RAB38: variants seen among roughly 807,000 people sequenced by gnomAD.
RAB38 encodes the protein ras-related protein Rab-38.
Under a neutral mutation model 18.4 loss-of-function variants are expected in RAB38, and 15 were observed. The observed-to-expected ratio is 0.82, with a 90% confidence interval of 0.55 to 1.26. The LOEUF is 1.26. RAB38 is among the 50% of genes most tolerant of loss of function. RAB38 has a pLI of 0.00. For missense variants in RAB38, 294 were observed against 267.4 expected (o/e 1.10, Z -0.69); for synonymous variants, 101 against 104.4 (o/e 0.97, Z 0.20).
At chr11:88,004,657 G>T in the RAB38 span, among the ~76,000 whole-genome samples, 2 of 151,168 alleles carry the variant, frequency 1.3e-5, no homozygotes, top group East Asian at 1.9e-4. Flanking sequence ...AGAAAAATAT[G>T]TAAAAAGTAC....
chr11:87,898,884 G>A, the RAB38 span, among the ~76,000 whole-genome samples: 4 of 151,600 alleles, frequency 2.6e-5, no homozygotes, highest in Non-Finnish European at 4.4e-5. Flanking sequence ...CCCCCATGTA[G>A]GAAGGACCAA....
chr11:87,949,472 A>T, the RAB38 span, among the ~76,000 whole-genome samples: 1 of 151,844 alleles, frequency 6.6e-6, no homozygotes, highest in Non-Finnish European at 1.5e-5. Context: ...GTTCTTTTAA[A>T]TGTGATGTTA....
the RAB38 span, among the ~76,000 whole-genome samples, chr11:88,017,891 T>C: frequency 6.6e-6 from 1 of 151,860 alleles, no homozygotes; most frequent in Non-Finnish European, 1.5e-5. Context: ...AGGAGGTAAT[T>C]GAAACATGGG....
In RAB38 at chr11:88,149,776, T is replaced by G. The variant is rs1239052566; in HGVS notation, c.382A>C (p.Lys128Gln). Residue 128 changes from lysine (K) to glutamine (Q), a missense_variant, in exon 2 of 3, where the codon AAA becomes CAA. Lys to Gln is a moderately conservative substitution (Grantham distance 53). Coordinates refer to ENST00000243662, the MANE Select transcript of RAB38 (RefSeq NM_022337.3). ...KPVSVVLLAN[K>Q]CDQGKDVLMN... is the part of the protein sequence containing the mutation. ...AGCACATCCTTCCCCTGGTCACATTTGTTGGCCAACAAAACCACTGAAACC... is the reference window on the plus strand; with the variant it reads ...AGCACATCCTTCCCCTGGTCACATTGGTTGGCCAACAAAACCACTGAAACC... 6.2e-7 allele frequency: 1 copy of G among 1,614,208 alleles called. No individual in the cohort carries two copies. Among genetic ancestry groups the G allele is most frequent in the Non-Finnish European group, 8.5e-7 (1 of 1,180,026 alleles).
the RAB38 span, among the ~76,000 whole-genome samples, chr11:88,043,631 C>A: frequency 6.8e-6 from 1 of 146,072 alleles, no homozygotes; most frequent in East Asian, 2.0e-4. Flanking sequence ...CGAGAACAAC[C>A]CCCTTTGACT....
chr11:87,873,922 G>GTGTGTATATATA, the RAB38 span, among the ~76,000 whole-genome samples: 179 of 103,082 alleles, frequency 1.7e-3, 1 homozygote, highest in Middle Eastern at 5.6e-3. Context: ...GTGTGTGTGT[G>GTGTGTATATATA]TATATATATA....
the RAB38 span, among the ~76,000 whole-genome samples, chr11:87,856,297 C>G: frequency 2.0e-5 from 3 of 152,100 alleles, no homozygotes; most frequent in Non-Finnish European, 2.9e-5. Flanking sequence ...ATACTCTCTT[C>G]ATACACTCTT....
At chr11:87,977,416 T>A in the RAB38 span, among the ~76,000 whole-genome samples, 3 of 103,442 alleles carry the variant, frequency 2.9e-5, no homozygotes, top group Admixed American at 3.8e-4. Context: ...TTATAAAATA[T>A]AATTATATTA....
At chr11:87,903,123 G>A in the RAB38 span, among the ~76,000 whole-genome samples, 3 of 151,114 alleles carry the variant, frequency 2.0e-5, no homozygotes, top group Non-Finnish European at 4.4e-5. Flanking sequence ...TAATGAACGT[G>A]GTGAGAATAG....
intron 2 of RAB38, among the ~76,000 whole-genome samples, chr11:88,140,151 G>T (rs16913196): frequency 0.019 from 2,822 of 152,276 alleles, 87 homozygotes; most frequent in African/African-American, 0.065. Flanking sequence ...AGGGCCCAAG[G>T]CAAGGCATTA....
chr11:88,076,956 CAAAA>C, the RAB38 span, among the ~76,000 whole-genome samples: 303 of 42,858 alleles, frequency 7.1e-3, 3 homozygotes, highest in African/African-American at 0.024. Context: ...GAGACTCCAT[CAAAA>C]AAAAAAAAAA....
the RAB38 span, chr11:87,817,580 T>G: frequency 6.6e-6 from 1 of 152,314 alleles, no homozygotes; most frequent in Admixed American, 6.5e-5. Context: ...CATTTTCTAT[T>G]TATGAACCTT....
At chr11:87,946,373 T>G in the RAB38 span, among the ~76,000 whole-genome samples, 133 of 152,254 alleles carry the variant, frequency 8.7e-4, no homozygotes, top group Non-Finnish European at 1.4e-3. Flanking sequence ...TTAGAGGCTC[T>G]ATGAGAGCCT....
At chr11:87,831,296 G>A in the RAB38 span, among the ~76,000 whole-genome samples, 2 of 152,102 alleles carry the variant, frequency 1.3e-5, no homozygotes, top group Non-Finnish European at 2.9e-5. Flanking sequence ...CCCATCAAAA[G>A]CCATACAAAA....
At chr11:88,031,903 A>G in the RAB38 span, among the ~76,000 whole-genome samples, 1 of 152,040 alleles carries the variant, frequency 6.6e-6, no homozygotes, top group Non-Finnish European at 1.5e-5. Flanking sequence ...TGGAAGCAAA[A>G]AAGAGCCCGC....
chr11:87,814,282 T>A, the RAB38 span, among the ~76,000 whole-genome samples: 1 of 152,206 alleles, frequency 6.6e-6, no homozygotes, highest in African/African-American at 2.4e-5. Flanking sequence ...AATGATTTTA[T>A]GTACTATGTA....
the RAB38 span, among the ~76,000 whole-genome samples, chr11:87,907,635 T>G: frequency 6.6e-6 from 1 of 151,782 alleles, no homozygotes; most frequent in Non-Finnish European, 1.5e-5. Flanking sequence ...TTTTTGACAT[T>G]TCTTTCAAAA....
the RAB38 span, among the ~76,000 whole-genome samples, chr11:87,922,995 G>A: frequency 6.6e-6 from 1 of 151,498 alleles, no homozygotes; most frequent in African/African-American, 2.4e-5. Context: ...AAAAGAATAG[G>A]GGAACAAGGA....
At chr11:88,170,601 G>T (rs1943300173) in intron 1 of RAB38, among the ~76,000 whole-genome samples, 1 of 152,188 alleles carries the variant, frequency 6.6e-6, no homozygotes, top group African/African-American at 2.4e-5. Flanking sequence ...CTGGGCCTGG[G>T]CTGCCTTCAT....
Sources: allele counts gnomAD v4.1 joint callset (sites outside exome capture counted in the v4.1 genomes callset), GRCh38; gene constraint gnomAD v4.1.1; transcripts MANE v1.5; gene names NCBI Gene and HGNC (gene_info 2026-07-23, HGNC 2026-07-21).